Variants in CDH8 observed in about 807,000 individuals in gnomAD.
CDH8 encodes the protein cadherin-8.
CDH8 carries 17 observed loss-of-function variants against 68.1 expected under a neutral mutation model. That is an observed-to-expected ratio of 0.25 (90% confidence interval 0.17 to 0.37). CDH8 has a LOEUF of 0.37. Among genes scored for constraint, CDH8 ranks in the 10% least tolerant of loss-of-function variants. The probability of loss-of-function intolerance (pLI) is 1.00; values close to 1 mark genes in which losing one functional copy is unlikely to be tolerated. For missense variants in CDH8, 763 were observed against 999.3 expected (o/e 0.76, Z 3.19); for synonymous variants, 372 against 365.1 (o/e 1.02, Z -0.21).
chr16:61,894,388 C>A (rs181208701), intron 3 of CDH8, among the ~76,000 whole-genome samples: 2 of 152,118 alleles, frequency 1.3e-5, no homozygotes, highest in African/African-American at 4.8e-5. Flanking sequence ...TACTAAAACC[C>A]ACGATATTGG....
chr16:61,754,152 C>T (rs1960249128), intron 8 of CDH8, among the ~76,000 whole-genome samples: 1 of 152,084 alleles, frequency 6.6e-6, no homozygotes, highest in African/African-American at 2.4e-5. Flanking sequence ...TCAGCTTCCA[C>T]ACAAAAACTT....
chr16:61,664,455 C>A (rs1351110277), intron 10 of CDH8, among the ~76,000 whole-genome samples: 1 of 151,760 alleles, frequency 6.6e-6, no homozygotes, highest in African/African-American at 2.4e-5. Context: ...TAACCATAAG[C>A]TATATTTTGT....
intron 4 of CDH8, among the ~76,000 whole-genome samples, chr16:61,841,018 G>A (rs556422253): frequency 6.6e-6 from 1 of 152,084 alleles, no homozygotes; most frequent in East Asian, 1.9e-4. Flanking sequence ...ATAAAATAAT[G>A]TAGTCCATCA....
In CDH8 at chr16:61,648,868, T is replaced by C. The variant is rs1831761813; in HGVS notation, c.*4740A>G. ...TGCTCAAAATACTAGGACTAGAATA[T>C]CTTCAATAGCAACAGTATACCATGT... On this transcript the variant is annotated 3_prime_UTR_variant, in exon 12 of 12. Transcript: ENST00000577390. The C allele has an allele frequency of 6.6e-6, 1 of 151,932 alleles. No individual in the cohort carries two copies. Among genetic ancestry groups the C allele is most frequent in the Admixed American group, 6.6e-5 (1 of 15,204 alleles). The allele number at this position is 151,932 out of a possible 1,614,324, so 9.4% of individuals were successfully genotyped here.
At chr16:61,722,193 C>A (rs1357556677) in intron 9 of CDH8, among the ~76,000 whole-genome samples, 1 of 150,770 alleles carries the variant, frequency 6.6e-6, no homozygotes, top group African/African-American at 2.4e-5. Context: ...ATTGTCCATT[C>A]AGGATATTTG....
chr16:61,843,065 C>G, intron 4 of CDH8, among the ~76,000 whole-genome samples: 1 of 152,028 alleles, frequency 6.6e-6, no homozygotes, highest in Non-Finnish European at 1.5e-5. Context: ...TACTTTCTGT[C>G]AGCTGCTGTG....
chr16:61,788,526 C>T (rs933784041), intron 8 of CDH8, among the ~76,000 whole-genome samples: 4 of 151,806 alleles, frequency 2.6e-5, no homozygotes, highest in African/African-American at 9.7e-5. Flanking sequence ...ATGTTTTTTG[C>T]TAGGAAATAA....
At chr16:61,876,215 A>C (rs557115378) in intron 3 of CDH8, among the ~76,000 whole-genome samples, 117 of 152,278 alleles carry the variant, frequency 7.7e-4, no homozygotes, top group African/African-American at 2.7e-3. Flanking sequence ...GAAATGTAGA[A>C]TGCAATATAG....
chr16:61,972,521 T>A (rs1965355670), intron 2 of CDH8, among the ~76,000 whole-genome samples: 1 of 151,708 alleles, frequency 6.6e-6, no homozygotes, highest in Non-Finnish European at 1.5e-5. Context: ...GTACCTCTCT[T>A]CTTCTCTTAG....
intron 3 of CDH8, among the ~76,000 whole-genome samples, chr16:61,885,799 C>T (rs960482742): frequency 1.3e-5 from 2 of 151,510 alleles, no homozygotes; most frequent in African/African-American, 4.9e-5. Context: ...AAGACATGCT[C>T]GGGAAAGGAT....
At chr16:61,981,688 G>C (rs1038793634) in intron 2 of CDH8, among the ~76,000 whole-genome samples, 2 of 152,102 alleles carry the variant, frequency 1.3e-5, no homozygotes, top group Non-Finnish European at 2.9e-5. Flanking sequence ...GTGTGCGCGC[G>C]CGCGCGTGCG....
At position 61,918,726 on chromosome 16, in the gene CDH8, G is replaced by C. The variant is rs1031209930; in HGVS notation, c.253-17253C>G. 2.2e-4 allele frequency: 35 copies of C among 155,878 alleles called. 3 individuals carry two copies. Among genetic ancestry groups the C allele is most frequent in the Middle Eastern group, 6.2e-3 (2 of 322 alleles). The allele number at this position is 155,878 out of a possible 1,614,324, so 9.7% of individuals were successfully genotyped here. A position where few individuals can be genotyped will look rare whatever the true frequency, so the allele number is the denominator to read the frequency against. On this transcript the variant is annotated intron_variant, in intron 2 of 11. Coordinates refer to ENST00000577390, the MANE Select transcript of CDH8 (RefSeq NM_001796.5). ...TCTGAGATCAAACTGCAAGGCGGCA[G>C]CGAGGCTGGGGGAGGGGCGCCCGCC... is the stretch of plus-strand genomic sequence containing the variant.
intron 2 of CDH8, among the ~76,000 whole-genome samples, chr16:61,954,786 C>T (rs899072726): frequency 6.6e-6 from 1 of 151,830 alleles, no homozygotes; most frequent in Non-Finnish European, 1.5e-5. Context: ...AAAACCAGCC[C>T]AAGCTCATAT....
At chr16:61,779,425 A>ATGTGTGTGTGTGTGTG (rs10539934) in intron 8 of CDH8, among the ~76,000 whole-genome samples, 14 of 139,114 alleles carry the variant, frequency 1.0e-4, no homozygotes, top group East Asian at 6.8e-4. Context: ...ATGTTCGTTT[A>ATGTGTGTGTGTGTGTG]TGTGTGTGTG....
At chr16:61,790,821 T>C (rs192597964) in intron 7 of CDH8, among the ~76,000 whole-genome samples, 2 of 152,100 alleles carry the variant, frequency 1.3e-5, no homozygotes, top group African/African-American at 4.8e-5. Context: ...CCTATGAAGA[T>C]AGCTAGATAA....
At position 61,713,938 on chromosome 16, in the gene CDH8, G is replaced by A; in HGVS notation, c.1557C>T (p.Ala519=). Residue 519 remains alanine, a synonymous_variant, in exon 10 of 12, where the codon GCC becomes GCT. Coordinates refer to ENST00000577390, the MANE Select transcript of CDH8 (RefSeq NM_001796.5). The part of the protein sequence containing the change: ...KPGQVIQTVS[A]MDKDDPKNGH... ...CGTTTTTGGGATCATCTTTGTCCAT[G>A]GCGCTAACAGTTTGAATGACCTGAA... 1 of 1,605,272 alleles carries A rather than the reference G, an allele frequency of 6.2e-7. No individual in the cohort carries two copies. The highest frequency in any genetic ancestry group is 8.5e-7 in the Non-Finnish European group (1 of 1,172,660).
chr16:62,035,625 C>A (rs1031973569), intron 1 of CDH8, among the ~76,000 whole-genome samples: 1 of 152,180 alleles, frequency 6.6e-6, no homozygotes, highest in Non-Finnish European at 1.5e-5. Flanking sequence ...ACCACTCGGG[C>A]CCCCTCGCCT....
intron 2 of CDH8, among the ~76,000 whole-genome samples, chr16:61,949,716 C>A (rs754781898): frequency 3.9e-5 from 6 of 152,008 alleles, no homozygotes; most frequent in Non-Finnish European, 8.8e-5. Context: ...GACATGGGGA[C>A]TCACATCTGC....
At chr16:61,866,443 T>C (rs1259861578) in intron 3 of CDH8, among the ~76,000 whole-genome samples, 1 of 152,132 alleles carries the variant, frequency 6.6e-6, no homozygotes, top group Non-Finnish European at 1.5e-5. Context: ...TGTAAGAAAC[T>C]GCAAATCTTC....
Sources: allele counts gnomAD v4.1 joint callset (sites outside exome capture counted in the v4.1 genomes callset), GRCh38; gene constraint gnomAD v4.1.1; transcripts MANE v1.5; gene names NCBI Gene and HGNC (gene_info 2026-07-23, HGNC 2026-07-21).